Variants in VAMP1 observed in about 807,000 individuals in gnomAD.
VAMP1 encodes vesicle-associated membrane protein 1.
A neutral mutation model predicts 19.1 loss-of-function variants in VAMP1; 16 were observed. The ratio of observed to expected loss-of-function variants is 0.84; its 90% CI spans 0.57 to 1.27. The LOEUF (loss-of-function observed/expected upper bound fraction) is 1.27, where lower values mean the gene tolerates loss of function less well. Ranked by LOEUF, VAMP1 falls within the 50% of genes most tolerant of loss-of-function variation. The probability of loss-of-function intolerance (pLI) is 0.00; values close to 1 mark genes in which losing one functional copy is unlikely to be tolerated. For synonymous variants in VAMP1, 37 were observed against 50.2 expected (o/e 0.74, Z 1.11); for missense variants, 109 against 145.4 (o/e 0.75, Z 1.29).
intron 3 of VAMP1, chr12:6,465,191 G>A (rs569227430): frequency 6.1e-5 from 31 of 509,690 alleles, no homozygotes; most frequent in African/African-American, 3.2e-4. Context: ...CTTAGTTCCT[G>A]GTGTCTTGGG....
rs71584837 is a variant in VAMP1, at chr12:6,462,840, G to A, written c.*1630C>T. 7,113 of 1,606,292 alleles carry A rather than the reference G, an allele frequency of 4.4e-3. 22 individuals carry two copies. Among genetic ancestry groups the A allele is most frequent in the Non-Finnish European group, 5.2e-3 (6,148 of 1,176,224 alleles). ...TGCTTTCTTCCAGCTCTTCAGTCCC[G>A]CCCTTGGGCAGGACGAAGGGAATGT... On this transcript the variant is annotated 3_prime_UTR_variant, in exon 5 of 5. Transcript: ENST00000396308.
At chr12:6,469,199 A>G (rs1945707067) in intron 1 of VAMP1, among the ~76,000 whole-genome samples, 1 of 152,046 alleles carries the variant, frequency 6.6e-6, no homozygotes, top group Non-Finnish European at 1.5e-5. Flanking sequence ...GAGCCACAAG[A>G]CTCTTGTCCT....
chr12:6,469,194 A>G (rs1034555939), intron 1 of VAMP1, among the ~76,000 whole-genome samples: 2 of 152,196 alleles, frequency 1.3e-5, no homozygotes, highest in African/African-American at 4.8e-5. Flanking sequence ...CATGGGAGCC[A>G]CAAGACTCTT....
chr12:6,470,644 A>G lies in VAMP1; in HGVS notation c.-113T>C, dbSNP rs1366435956. ...AACTGCCAAGCTCCGCCTCGCGCCG[A>G]CTACCCCGCGGTCTAGCTGCGCTGG... On this transcript the variant is annotated 5_prime_UTR_variant, in exon 1 of 5. Coordinates refer to ENST00000396308, the MANE Select transcript of VAMP1 (RefSeq NM_014231.5). 5 of 1,457,066 alleles carry G rather than the reference A, an allele frequency of 3.4e-6. No individual in the cohort carries two copies. The Admixed American group carries it at 7.3e-5, about 21-fold the overall frequency. 90.3% of individuals were successfully genotyped at this position (1,457,066 alleles called of 1,614,324 possible). A position where few individuals can be genotyped will look rare whatever the true frequency, so the allele number is the denominator to read the frequency against.
In VAMP1 at chr12:6,466,507, AC is replaced by A. The variant is rs1294029533; in HGVS notation, c.3-157del. The A allele has an allele frequency of 9.0e-6, 6 of 667,614 alleles. No individual in the cohort carries two copies. The African/African-American group carries it at 9.1e-5, about 10-fold the overall frequency. 41.4% of individuals were successfully genotyped at this position (667,614 alleles called of 1,614,324 possible). On this transcript the variant is annotated intron_variant, in intron 1 of 4. Transcript: ENST00000396308. ...AGGCCAGCCTGGGCATCATAGCGAGACCCCATCTCTAAAAAAACAGACAAAA... is the reference window on the plus strand; with the variant it reads ...AGGCCAGCCTGGGCATCATAGCGAGACCCATCTCTAAAAAAACAGACAAAA...
At position 6,462,490 on chromosome 12, in the gene VAMP1, A is replaced by G; in HGVS notation, c.*1980T>C. ...GCAAAGTCCCAGGGTTTTGTTGCAC[A>G]TTTGCTCATGCACATGGGTGGTGGG... On this transcript the variant is annotated 3_prime_UTR_variant, in exon 5 of 5. Coordinates refer to ENST00000396308, the MANE Select transcript of VAMP1 (RefSeq NM_014231.5). 2.0e-6 allele frequency: 1 copy of G among 494,660 alleles called. No individual in the cohort carries two copies. Among genetic ancestry groups the G allele is most frequent in the Non-Finnish European group, 3.6e-6 (1 of 278,242 alleles). 30.6% of individuals were successfully genotyped at this position (494,660 alleles called of 1,614,324 possible).
Position 6,470,646 on chromosome 12 carries a change from T to TCGCGCCGACC in VAMP1, c.-116_-115insGGTCGGCGCG. On this transcript the variant is annotated 5_prime_UTR_variant, in exon 1 of 5. Transcript: ENST00000396308. ...CTGCCAAGCTCCGCCTCGCGCCGAC[T>TCGCGCCGACC]ACCCCGCGGTCTAGCTGCGCTGGAA... 2 of 1,405,764 alleles carry TCGCGCCGACC rather than the reference T, an allele frequency of 1.4e-6. No individual in the cohort carries two copies. The highest frequency in any genetic ancestry group is 9.9e-7 in the Non-Finnish European group (1 of 1,008,204). 87.1% of individuals were successfully genotyped at this position (1,405,764 alleles called of 1,614,324 possible).
chr12:6,463,923 C>T lies in VAMP1; in HGVS notation c.*547G>A, dbSNP rs530530643. On this transcript the variant is annotated 3_prime_UTR_variant, in exon 5 of 5. Transcript: ENST00000396308. This position sits in a 1 kb window ranked among gnomAD's most constrained non-coding sequence, Gnocchi z 4.0. ...ACTACAAAAAACAAGTTTTTACTTT[C>T]GAAAAGGGTACTGCACTGAAACCAA... The T allele has an allele frequency of 1.3e-4, 167 of 1,287,886 alleles. 1 individual carries two copies. Among genetic ancestry groups the T allele is most frequent in the Middle Eastern group, 8.5e-4 (4 of 4,690 alleles). The allele number at this position is 1,287,886 out of a possible 1,614,324, so 79.8% of individuals were successfully genotyped here.
rs953549515 is a variant in VAMP1 at position 6,462,926 on chromosome 12, A to C, written c.*1544T>G. ...TGAGCAATGAAATGCTGCTGCATGG[A>C]AAGTGGGCATCCAGACCCTGCCCAG... is the stretch of plus-strand genomic sequence containing the variant. On this transcript the variant is annotated 3_prime_UTR_variant, in exon 5 of 5. Transcript: ENST00000396308. 1.9e-6 allele frequency: 3 copies of C among 1,561,764 alleles called. No individual in the cohort carries two copies. The highest frequency in any genetic ancestry group is 2.6e-6 in the Non-Finnish European group (3 of 1,152,744).
rs1481099444 is a variant in VAMP1, at chr12:6,470,545, A to G, written c.-14T>C. 8.1e-6 allele frequency: 13 copies of G among 1,613,964 alleles called. No homozygotes were observed. Among genetic ancestry groups the G allele is most frequent in the Middle Eastern group, 1.7e-4 (1 of 6,060 alleles). On this transcript the variant is annotated 5_prime_UTR_variant, in exon 1 of 5. Coordinates refer to ENST00000396308, the MANE Select transcript of VAMP1 (RefSeq NM_014231.5). ...GTCAACTCACATTTTTCTGACAGAG[A>G]GAGTGAGGGTCTGTTCCTCTCCGGA...
chr12:6,462,883 G>A lies in VAMP1; in HGVS notation c.*1587C>T, dbSNP rs976272980. 3.1e-6 allele frequency: 5 copies of A among 1,593,574 alleles called. No homozygotes were observed. The African/African-American group carries it at 6.7e-5, about 21-fold the overall frequency. ...GGGAATGTGGGAAACAAGGGCGAAA[G>A]GAAAGGAAGGATGGTTTTGAGCAAT... On this transcript the variant is annotated 3_prime_UTR_variant, in exon 5 of 5. Transcript: ENST00000396308.
At chr12:6,464,606 C>T in intron 4 of VAMP1, 120 bp from the exon 5 acceptor site, 1 of 1,457,934 alleles carries the variant, frequency 6.9e-7, no homozygotes, top group South Asian at 1.5e-5. Flanking sequence ...TGCCCCATCC[C>T]CATGGTCTCC....
chr12:6,465,454 ATGTG>A (rs1949997323), intron 3 of VAMP1: 3 of 133,338 alleles, frequency 2.2e-5, no homozygotes, highest in African/African-American at 7.0e-5. Flanking sequence ...ATATATACAT[ATGTG>A]TATATATAGT....
rs923403191 is a variant in VAMP1 at position 6,462,694 on chromosome 12, A to G, written c.*1776T>C. 32 of 942,522 alleles carry G rather than the reference A, an allele frequency of 3.4e-5. No individual in the cohort carries two copies. The highest frequency in any genetic ancestry group is 4.6e-5 in the Non-Finnish European group (29 of 635,666). The allele number at this position is 942,522 out of a possible 1,614,324, so 58.4% of individuals were successfully genotyped here. On this transcript the variant is annotated 3_prime_UTR_variant, in exon 5 of 5. Transcript: ENST00000396308. ...AGAGCCAAGAGGACGGATTCGCTCC[A>G]GGCTTGGGACACATCGAGGACAGTG...
intron 3 of VAMP1, chr12:6,465,374 A>ATG (rs1949982524): frequency 1.1e-5 from 1 of 94,420 alleles, no homozygotes; most frequent in Non-Finnish European, 2.2e-5. Flanking sequence ...ATATATATAA[A>ATG]TGTATATATA....
Position 6,463,901 on chromosome 12 carries a change from AC to A in VAMP1, c.*568del. ...CTGGACGAACAGATTAGAAATAACT[AC>A]AAAAAACAAGTTTTTACTTTCGAAA... On this transcript the variant is annotated 3_prime_UTR_variant, in exon 5 of 5. Coordinates refer to ENST00000396308, the MANE Select transcript of VAMP1 (RefSeq NM_014231.5). This position sits in a 1 kb window ranked among gnomAD's most constrained non-coding sequence, Gnocchi z 4.0. 7.8e-7 allele frequency: 1 copy of A among 1,286,108 alleles called. No individual in the cohort carries two copies. Among genetic ancestry groups the A allele is most frequent in the East Asian group, 5.6e-5 (1 of 17,998 alleles). The allele number at this position is 1,286,108 out of a possible 1,614,324, so 79.7% of individuals were successfully genotyped here.
At chr12:6,466,026 G>T (rs749122309) in intron 2 of VAMP1, 26 bp from the exon 3 acceptor site, 1 of 1,613,618 alleles carries the variant, frequency 6.2e-7, no homozygotes, top group Non-Finnish European at 8.5e-7. Flanking sequence ...AAACAAAGCA[G>T]CTAAGCTTCC....
At position 6,462,554 on chromosome 12, in the gene VAMP1, A is replaced by G. The variant is rs1949903486; in HGVS notation, c.*1916T>C. On this transcript the variant is annotated 3_prime_UTR_variant, in exon 5 of 5. Coordinates refer to ENST00000396308, the MANE Select transcript of VAMP1 (RefSeq NM_014231.5). ...AGCAGAGACACACAGAAGAGGGTACAGGGTGGGTGAGAAAGAAAGTAGAAG... is the reference window on the plus strand; with the variant it reads ...AGCAGAGACACACAGAAGAGGGTACGGGGTGGGTGAGAAAGAAAGTAGAAG... 1.8e-6 allele frequency: 1 copy of G among 553,048 alleles called. No individual in the cohort carries two copies. The highest frequency in any genetic ancestry group is 1.9e-5 in the African/African-American group (1 of 53,232). The allele number at this position is 553,048 out of a possible 1,614,324, so 34.3% of individuals were successfully genotyped here.
chr12:6,465,024 C>A (rs527616225), intron 3 of VAMP1, 83 bp from the exon 4 acceptor site: 1 of 1,589,558 alleles, frequency 6.3e-7, no homozygotes, highest in African/African-American at 1.3e-5. Context: ...AACAGAATTC[C>A]TTCCATCCTT....
Sources: gnomAD v4.1 joint callset for allele counts (sites outside exome capture counted in the v4.1 genomes callset) on GRCh38, gnomAD v4.1.1 for gene constraint, Gnocchi (gnomAD v3.1) non-coding constraint, MANE v1.5 for transcripts, NCBI Gene and HGNC (gene_info 2026-07-23, HGNC 2026-07-21) for gene names.